NEDD9: variants seen among roughly 807,000 people sequenced by gnomAD.
The protein encoded by NEDD9 is enhancer of filamentation 1.
In NEDD9, 26 loss-of-function variants were observed where a neutral mutation model predicts 76.6. The observed-to-expected ratio is 0.34, with a 90% CI of 0.25 to 0.47. The LOEUF (loss-of-function observed/expected upper bound fraction) is 0.47, where lower values mean the gene tolerates loss of function less well. Ranked by LOEUF, NEDD9 falls within the 20% of genes least tolerant of loss-of-function variation. The pLI, the probability that NEDD9 is intolerant of heterozygous loss-of-function variation, is 1.00. For synonymous variants in NEDD9, 392 were observed against 414.2 expected, an observed-to-expected ratio of 0.95 and a Z score of 0.65; for missense variants, 937 against 1,058.5, an observed-to-expected ratio of 0.89 and a Z score of 1.59.
At chr6:11,365,530 T>A (rs911452560) in intron 1 of NEDD9, among the ~76,000 whole-genome samples, 38 of 152,080 alleles carry the variant, frequency 2.5e-4, no homozygotes, top group African/African-American at 8.0e-4. Flanking sequence ...GATTAAAAGG[T>A]GAATAGCAGA....
chr6:11,306,868 T>TAG (rs1303429911), intron 2 of NEDD9, among the ~76,000 whole-genome samples: 1 of 152,184 alleles, frequency 6.6e-6, no homozygotes, highest in African/African-American at 2.4e-5. Flanking sequence ...GGACTGGGCT[T>TAG]TCGGTGAGTT....
At chr6:11,346,672 G>A (rs1762372281) in intron 1 of NEDD9, among the ~76,000 whole-genome samples, 1 of 152,170 alleles carries the variant, frequency 6.6e-6, no homozygotes, top group Non-Finnish European at 1.5e-5. Flanking sequence ...TTATAGATAG[G>A]ATCTGGACTG....
intron 3 of NEDD9, chr6:11,305,341 T>C: frequency 3.0e-6 from 1 of 330,816 alleles, no homozygotes; most frequent in South Asian, 2.6e-5. Flanking sequence ...CCAGGTCAAC[T>C]CTACTACTAA....
At chr6:11,322,756 T>C (rs1302657952) in intron 2 of NEDD9, among the ~76,000 whole-genome samples, 1 of 152,224 alleles carries the variant, frequency 6.6e-6, no homozygotes, top group African/African-American at 2.4e-5. Context: ...CAAATCCCGA[T>C]TCTTGGGGCC....
At chr6:11,253,642 C>G (rs977205796) in intron 3 of NEDD9, among the ~76,000 whole-genome samples, 1 of 152,192 alleles carries the variant, frequency 6.6e-6, no homozygotes, top group South Asian at 2.1e-4. Context: ...ACTATGGTAT[C>G]ATTTTGGAAT....
intron 1 of NEDD9, among the ~76,000 whole-genome samples, chr6:11,362,721 C>G (rs1475688346): frequency 2.0e-5 from 3 of 152,212 alleles, no homozygotes; most frequent in African/African-American, 7.2e-5. Flanking sequence ...ATGTCATGAG[C>G]TGCCAGACCC....
At chr6:11,201,345 C>T (rs933580102) in intron 2 of NEDD9, among the ~76,000 whole-genome samples, 1 of 152,260 alleles carries the variant, frequency 6.6e-6, no homozygotes, top group Admixed American at 6.5e-5. Context: ...AGCCTCATAT[C>T]CATCATGTTT....
chr6:11,273,732 G>C (rs190949999), intron 3 of NEDD9, among the ~76,000 whole-genome samples: 2 of 152,192 alleles, frequency 1.3e-5, no homozygotes, highest in Non-Finnish European at 2.9e-5. Flanking sequence ...TGACATGTAG[G>C]GCAACCGTGA....
intron 2 of NEDD9, among the ~76,000 whole-genome samples, chr6:11,210,789 G>GAGAGAGAT (rs1304500304): frequency 6.6e-6 from 1 of 151,086 alleles, no homozygotes; most frequent in African/African-American, 2.5e-5. Flanking sequence ...GAGAGAGAGA[G>GAGAGAGAT]AGATAGAAAA....
At chr6:11,232,479 T>A (rs1201804543) in intron 1 of NEDD9, 25 bp downstream of exon 1, 1 of 1,614,142 alleles carries the variant, frequency 6.2e-7, no homozygotes, top group Non-Finnish European at 8.5e-7. Flanking sequence ...GCTTGCAAGG[T>A]AACCTGTAAA....
chr6:11,296,853 G>A (rs575857172), intron 3 of NEDD9, among the ~76,000 whole-genome samples: 15 of 151,996 alleles, frequency 9.9e-5, no homozygotes, highest in South Asian at 2.1e-4. Flanking sequence ...CTCAGCCTCC[G>A]GAGTAGCTGG....
intron 1 of NEDD9, among the ~76,000 whole-genome samples, chr6:11,348,319 TAGAA>T (rs1386833996): frequency 6.6e-6 from 1 of 152,176 alleles, no homozygotes; most frequent in Admixed American, 6.5e-5. Flanking sequence ...TACTCATAGA[TAGAA>T]AGAATCAACA....
chr6:11,326,408 A>G (rs1761928770), intron 2 of NEDD9, among the ~76,000 whole-genome samples: 1 of 152,198 alleles, frequency 6.6e-6, no homozygotes, highest in South Asian at 2.1e-4. Flanking sequence ...TACCAATTAA[A>G]CACACTGGTA....
intron 1 of NEDD9, among the ~76,000 whole-genome samples, chr6:11,347,710 G>T (rs960090973): frequency 6.6e-6 from 1 of 152,144 alleles, no homozygotes; most frequent in Non-Finnish European, 1.5e-5. Flanking sequence ...CATCTCAATA[G>T]ATGAAGAAAA....
intron 2 of NEDD9, among the ~76,000 whole-genome samples, chr6:11,319,777 C>T (rs1305608362): frequency 4.6e-5 from 7 of 150,690 alleles, no homozygotes; most frequent in African/African-American, 9.8e-5. Context: ...TGCACACTCA[C>T]GCACACTAAC....
At chr6:11,208,449 A>G (rs905684969) in intron 2 of NEDD9, among the ~76,000 whole-genome samples, 2 of 152,174 alleles carry the variant, frequency 1.3e-5, no homozygotes. Flanking sequence ...GAGCTGAACC[A>G]TGGGATTCGA....
intron 3 of NEDD9, among the ~76,000 whole-genome samples, chr6:11,256,451 T>C (rs1317953894): frequency 6.6e-6 from 1 of 152,188 alleles, no homozygotes; most frequent in Non-Finnish European, 1.5e-5. Context: ...CCAAGAAGCG[T>C]AGGTGGTATC....
chr6:11,214,699 T>C (rs16871114), intron 1 of NEDD9, among the ~76,000 whole-genome samples: 2,525 of 152,286 alleles, frequency 0.017, 86 homozygotes, highest in Admixed American at 0.076. Context: ...TAGTAAAGTT[T>C]CCCAGCACGC....
intron 1 of NEDD9, among the ~76,000 whole-genome samples, chr6:11,230,353 G>C (rs1463929360): frequency 6.6e-6 from 1 of 152,184 alleles, no homozygotes; most frequent in Admixed American, 6.5e-5. Context: ...TCTAATCCCA[G>C]CTCACCACTT....
Sources: gnomAD v4.1 joint callset for allele counts (sites outside exome capture counted in the v4.1 genomes callset) on GRCh38, gnomAD v4.1.1 for gene constraint, MANE v1.5 for transcripts, NCBI Gene and HGNC (gene_info 2026-07-23, HGNC 2026-07-21) for gene names.